XPO4: variants seen among roughly 807,000 people sequenced by gnomAD.
The protein encoded by XPO4 is exportin 4, also known as exportin-4.
XPO4 carries 39 observed loss-of-function variants against 143.0 expected under a neutral mutation model. The ratio of observed to expected loss-of-function variants is 0.27; its 90% CI spans 0.21 to 0.36. XPO4 has a LOEUF of 0.36. Among genes scored for constraint, XPO4 ranks in the 10% least tolerant of loss-of-function variants. The probability of loss-of-function intolerance (pLI) is 1.00; values close to 1 mark genes in which losing one functional copy is unlikely to be tolerated. For missense variants in XPO4, 907 were observed against 1,348.0 expected (o/e 0.67, Z 5.12); for synonymous variants, 439 against 474.0 (o/e 0.93, Z 0.96).
At chr13:20,842,805 T>C (rs1170580633) in intron 6 of XPO4, 90 bp downstream of exon 6, 1 of 1,181,852 alleles carries the variant, frequency 8.5e-7, no homozygotes, top group Non-Finnish European at 1.1e-6. Flanking sequence ...ATATGTTTTA[T>C]GAAAGCTGCA....
chr13:20,879,888 T>C (rs1305236818), intron 1 of XPO4, among the ~76,000 whole-genome samples: 1 of 151,980 alleles, frequency 6.6e-6, no homozygotes, highest in Non-Finnish European at 1.5e-5. Context: ...CCAAATAACC[T>C]GATTAAAAAA....
chr13:20,875,164 A>T (rs571216038), intron 1 of XPO4, among the ~76,000 whole-genome samples: 73 of 152,338 alleles, frequency 4.8e-4, no homozygotes, highest in African/African-American at 1.4e-3. Flanking sequence ...ATTTTAAGTT[A>T]GTGATAAAAA....
At chr13:20,848,672 A>C (rs1027221753) in intron 4 of XPO4, 2 of 985,404 alleles carry the variant, frequency 2.0e-6, no homozygotes, top group Non-Finnish European at 2.4e-6. Flanking sequence ...TGTATCACTA[A>C]AGCAATATAG....
chr13:20,859,827 G>A (rs2060180208), intron 3 of XPO4: 1 of 953,708 alleles, frequency 1.0e-6, no homozygotes, highest in African/African-American at 1.8e-5. Context: ...AAAAAAGAAT[G>A]CGATTATTTT....
At chr13:20,836,419 G>C (rs1289903161) in intron 6 of XPO4, among the ~76,000 whole-genome samples, 2 of 152,046 alleles carry the variant, frequency 1.3e-5, no homozygotes, top group Non-Finnish European at 2.9e-5. Context: ...CCATCCACTT[G>C]TCTTAATTGG....
Position 20,807,439 on chromosome 13 carries a change from C to G in XPO4, c.1817+18G>C. The G allele has an allele frequency of 6.2e-7, 1 of 1,604,548 alleles. No homozygotes were observed. Among genetic ancestry groups the G allele is most frequent in the African/African-American group, 1.3e-5 (1 of 74,438 alleles). ...CAGTATAAAAATTACAAGAGCACAG[C>G]TATAGAGTTTATATTACCTAATCAC... On this transcript the variant is annotated intron_variant, in intron 13 of 22. Transcript: ENST00000255305.
intron 2 of XPO4, among the ~76,000 whole-genome samples, chr13:20,867,267 TCTG>T (rs1397539258): frequency 1.3e-5 from 2 of 152,200 alleles, no homozygotes; most frequent in East Asian, 1.9e-4. Context: ...AACCTGTTCC[TCTG>T]CTAAGACCTA....
At chr13:20,866,114 T>TAA in intron 2 of XPO4, 1 of 984,220 alleles carries the variant, frequency 1.0e-6, no homozygotes, top group Non-Finnish European at 1.2e-6. Context: ...ACTCACTTGT[T>TAA]TTTTTAAAGG....
chr13:20,849,653 A>G (rs1020762740), intron 4 of XPO4: 2 of 984,930 alleles, frequency 2.0e-6, no homozygotes, highest in African/African-American at 1.7e-5. Context: ...ACATTATTTA[A>G]TAATCATACA....
intron 3 of XPO4, among the ~76,000 whole-genome samples, chr13:20,856,549 C>G (rs1395361447): frequency 6.6e-6 from 1 of 152,208 alleles, no homozygotes; most frequent in Non-Finnish European, 1.5e-5. Flanking sequence ...CCAAGTGCCC[C>G]TGGAATAAAC....
At chr13:20,791,222 T>A (rs9552280) in intron 18 of XPO4, among the ~76,000 whole-genome samples, 36,784 of 152,002 alleles carry the variant, frequency 0.24, 6,058 homozygotes, top group East Asian at 0.8. Flanking sequence ...CCATTCCAAC[T>A]ATTAATCAAG....
At chr13:20,810,476 A>AATT (rs2059567567) in intron 9 of XPO4, among the ~76,000 whole-genome samples, 1 of 152,222 alleles carries the variant, frequency 6.6e-6, no homozygotes, top group Non-Finnish European at 1.5e-5. Context: ...CTCAACTCAT[A>AATT]ATTATTAGAG....
chr13:20,821,720 G>A lies in XPO4; in HGVS notation c.1157C>T (p.Ala386Val). The A allele has an allele frequency of 6.2e-7, 1 of 1,613,062 alleles. No individual in the cohort carries two copies. Among genetic ancestry groups the A allele is most frequent in the Non-Finnish European group, 8.5e-7 (1 of 1,179,468 alleles). The change falls in exon 9 of 23, where the codon GCT (alanine) becomes GTT (valine). Residue 386 changes from alanine to valine, a missense_variant. By Grantham distance (64) the Ala-to-Val change is moderately conservative (BLOSUM62 0). Coordinates refer to ENST00000255305, the MANE Select transcript of XPO4 (RefSeq NM_022459.5). ...GTCACTCACCACTTCTTCCAATGCAGCACTTCGCCCAAAAGAACAAGTGAG... is the reference window on the plus strand; with the variant it reads ...GTCACTCACCACTTCTTCCAATGCAACACTTCGCCCAAAAGAACAAGTGAG... ...THLTCSFGRS[A>V]ALEEVLDKDD...
chr13:20,877,120 AG>A (rs1300886719), intron 1 of XPO4, among the ~76,000 whole-genome samples: 1 of 152,222 alleles, frequency 6.6e-6, no homozygotes, highest in Non-Finnish European at 1.5e-5. Context: ...CACTCGACCC[AG>A]GAAGTCCAGC....
intron 13 of XPO4, among the ~76,000 whole-genome samples, chr13:20,801,349 T>C (rs191120243): frequency 1.3e-5 from 2 of 152,244 alleles, no homozygotes; most frequent in Non-Finnish European, 2.9e-5. Context: ...CCAAACTCTT[T>C]TAGCATGTAC....
rs540285081 is a variant in XPO4, at chr13:20,899,346, T to TAAAAA, written c.69+3319_69+3323dup. Among the ~76,000 whole-genome samples the TAAAAA allele has an allele frequency of 1.0e-3, 118 of 116,692 alleles. 2 individuals are homozygous for TAAAAA. The South Asian group carries it at 0.031, about 31-fold the overall frequency. The allele number at this position is 116,692 out of a possible 152,430, so 76.6% of individuals were successfully genotyped here. A position where few individuals can be genotyped will look rare whatever the true frequency, so the allele number is the denominator to read the frequency against. On this transcript the variant is annotated intron_variant, in intron 1 of 22. Transcript: ENST00000255305. ...AACCAACATGGTTGAGTAAAAAAAG[T>TAAAAA]AAAAAAAAAAAAAAAAGAGTAAAGG...
At chr13:20,879,444 G>A in intron 1 of XPO4, 2 of 498,250 alleles carry the variant, frequency 4.0e-6, no homozygotes, top group Non-Finnish European at 5.2e-6. Flanking sequence ...ATCACAACAG[G>A]ACCCATGTTG....
In XPO4 at chr13:20,803,814, G is replaced by T. The variant is rs2059466825; in HGVS notation, c.1818-2824C>A. Among the ~76,000 whole-genome samples the T allele has an allele frequency of 6.6e-6, 1 of 152,116 alleles. No individual in the cohort carries two copies. Among genetic ancestry groups the T allele is most frequent in the Non-Finnish European group, 1.5e-5 (1 of 68,034 alleles). On this transcript the variant is annotated intron_variant, in intron 13 of 22. Coordinates refer to ENST00000255305, the MANE Select transcript of XPO4 (RefSeq NM_022459.5). The surrounding 1 kb of genome is among the most constrained non-coding windows in gnomAD (Gnocchi z 4.1). ...TCTTACTGTCAGAGGCATCAAACCA[G>T]ACTGACTCCATCTTGAGTGAGGGCT...
rs759697770 is a variant in XPO4 at position 20,810,006 on chromosome 13, AACG to A, written c.1174-42_1174-40del. On this transcript the variant is annotated intron_variant, in intron 9 of 22. Transcript: ENST00000255305. ...ACACTCATAAAACAAATGTCCAGAG[AACG>A]ACAATTGGCATAACAACAGTCATAT... is the stretch of plus-strand genomic sequence containing the variant. 24 of 1,532,106 alleles carry A rather than the reference AACG, an allele frequency of 1.6e-5. 1 individual carries two copies. Among genetic ancestry groups the A allele is most frequent in the Middle Eastern group, 1.8e-4 (1 of 5,714 alleles). The allele number at this position is 1,532,106 out of a possible 1,614,324, so 94.9% of individuals were successfully genotyped here. A position where few individuals can be genotyped will look rare whatever the true frequency, so the allele number is the denominator to read the frequency against.
Sources: allele counts gnomAD v4.1 joint callset (sites outside exome capture counted in the v4.1 genomes callset), GRCh38; gene constraint gnomAD v4.1.1; non-coding constraint Gnocchi (gnomAD v3.1); transcripts MANE v1.5; gene names NCBI Gene and HGNC (gene_info 2026-07-23, HGNC 2026-07-21).